Variants in KCNH1 observed in about 807,000 individuals in gnomAD.
The protein encoded by KCNH1 is voltage-gated delayed rectifier potassium channel KCNH1.
KCNH1 carries 27 observed loss-of-function variants against 69.2 expected under a neutral mutation model. The ratio of observed to expected loss-of-function variants is 0.39; its 90% confidence interval spans 0.29 to 0.54. KCNH1 has a LOEUF of 0.54. Ranked by LOEUF, KCNH1 falls within the 20% of genes least tolerant of loss-of-function variation. The probability of loss-of-function intolerance (pLI) is 0.68; values close to 1 mark genes in which losing one functional copy is unlikely to be tolerated. For missense variants in KCNH1, 798 were observed against 1,261.6 expected (o/e 0.63, Z 5.57); for synonymous variants, 456 against 487.7 (o/e 0.93, Z 0.86).
intron 10 of KCNH1, among the ~76,000 whole-genome samples, chr1:210,705,184 C>T (rs559428398): frequency 1.1e-4 from 17 of 152,268 alleles, no homozygotes; most frequent in African/African-American, 3.1e-4. Flanking sequence ...GGAAAAGAGC[C>T]GAGGGCACCC....
intron 6 of KCNH1, among the ~76,000 whole-genome samples, chr1:210,947,741 T>A (rs1687986952): frequency 6.6e-6 from 1 of 152,162 alleles, no homozygotes; most frequent in Admixed American, 6.5e-5. Flanking sequence ...TAAATTAGCT[T>A]GGGCAAAAAT....
intron 5 of KCNH1, among the ~76,000 whole-genome samples, chr1:211,062,658 T>C (rs751078812): frequency 2.6e-5 from 4 of 152,112 alleles, no homozygotes; most frequent in African/African-American, 4.8e-5. Flanking sequence ...AAGATCTAAA[T>C]AGATATTTCT....
At chr1:210,859,162 G>A in intron 7 of KCNH1, 1 of 1,480,794 alleles carries the variant, frequency 6.8e-7, no homozygotes, top group Non-Finnish European at 9.4e-7. Flanking sequence ...CAGTAGGAAA[G>A]AAAGAGATAA....
At chr1:211,034,558 A>C (rs1689859336) in intron 5 of KCNH1, among the ~76,000 whole-genome samples, 1 of 152,166 alleles carries the variant, frequency 6.6e-6, no homozygotes, top group Admixed American at 6.5e-5. Context: ...TTTTGCAGGC[A>C]ATTACCATCA....
chr1:210,695,333 C>T (rs1311598872), intron 10 of KCNH1, among the ~76,000 whole-genome samples: 2 of 152,218 alleles, frequency 1.3e-5, no homozygotes, highest in Non-Finnish European at 2.9e-5. Context: ...TCCCAGTTTA[C>T]AGATGTGATG....
chr1:211,003,603 T>C (rs1443452524), intron 6 of KCNH1, among the ~76,000 whole-genome samples: 1 of 152,084 alleles, frequency 6.6e-6, no homozygotes, highest in African/African-American at 2.4e-5. Flanking sequence ...ATGGTGGCCA[T>C]ATCTAGGTAT....
intron 7 of KCNH1, among the ~76,000 whole-genome samples, chr1:210,834,344 A>G (rs1196203557): frequency 3.8e-5 from 2 of 52,030 alleles, no homozygotes; most frequent in African/African-American, 1.7e-4. Context: ...ACCATGGAAT[A>G]CTATGCAGCC....
At chr1:210,897,525 C>T (rs941040270) in intron 7 of KCNH1, among the ~76,000 whole-genome samples, 1 of 152,120 alleles carries the variant, frequency 6.6e-6, no homozygotes, top group African/African-American at 2.4e-5. Flanking sequence ...GACACCCCTG[C>T]CCTCTGTTCC....
intron 10 of KCNH1, among the ~76,000 whole-genome samples, chr1:210,694,793 G>A (rs1681602633): frequency 6.6e-6 from 1 of 152,174 alleles, no homozygotes; most frequent in Admixed American, 6.5e-5. Flanking sequence ...CATTACACAA[G>A]GAAACAGCTC....
At chr1:210,702,284 G>A (rs1681799513) in intron 10 of KCNH1, among the ~76,000 whole-genome samples, 1 of 152,116 alleles carries the variant, frequency 6.6e-6, no homozygotes, top group African/African-American at 2.4e-5. Context: ...TCTGAAAAGT[G>A]TTCTTATATT....
At chr1:210,821,382 T>A (rs1258278686) in intron 7 of KCNH1, among the ~76,000 whole-genome samples, 1 of 152,218 alleles carries the variant, frequency 6.6e-6, no homozygotes, top group East Asian at 1.9e-4. Flanking sequence ...AATCCACTCA[T>A]GTAGACCATT....
At chr1:211,045,947 G>C (rs1690088824) in intron 5 of KCNH1, among the ~76,000 whole-genome samples, 1 of 152,094 alleles carries the variant, frequency 6.6e-6, no homozygotes, top group Non-Finnish European at 1.5e-5. Context: ...TTGTCCTTCT[G>C]CGTCTGGCTT....
At chr1:210,816,782 AT>A in intron 7 of KCNH1, among the ~76,000 whole-genome samples, 1 of 152,306 alleles carries the variant, frequency 6.6e-6, no homozygotes, top group South Asian at 2.1e-4. Context: ...AACTAGGCCC[AT>A]TTTCCAATAG....
Position 210,846,328 on chromosome 1 carries a change from T to C in KCNH1, c.1463-42162A>G, listed in dbSNP as rs549685044. 8.9e-4 allele frequency among the ~76,000 whole-genome samples: 135 copies of C among 152,266 alleles called. 1 individual carries two copies. The highest frequency in any genetic ancestry group is 1.4e-3 in the Non-Finnish European group (98 of 68,026). On this transcript the variant is annotated intron_variant, in intron 7 of 10. Transcript: ENST00000271751. ...GGCATCACGCTGCCTGACTTCAAAC[T>C]ATACTACAAGGCTACAGTAATCAAA...
chr1:210,834,650 A>G lies in KCNH1; in HGVS notation c.1463-30484T>C, dbSNP rs575108814. ...GTATACATATGTAACTAACCTGCACATTGTGCACATGTACCCTAAAACTTA... is the reference window on the plus strand; with the variant it reads ...GTATACATATGTAACTAACCTGCACGTTGTGCACATGTACCCTAAAACTTA... On this transcript the variant is annotated intron_variant, in intron 7 of 10. Transcript: ENST00000271751. 3.0e-3 allele frequency among the ~76,000 whole-genome samples: 445 copies of G among 149,560 alleles called. 6 individuals carry two copies. The highest frequency in any genetic ancestry group is 0.011 in the African/African-American group (428 of 40,272).
intron 7 of KCNH1, among the ~76,000 whole-genome samples, chr1:210,830,786 A>G (rs1212456836): frequency 6.6e-6 from 1 of 152,094 alleles, no homozygotes; most frequent in Non-Finnish European, 1.5e-5. Flanking sequence ...GAGGGACACA[A>G]TCCTAACGCA....
chr1:210,964,861 T>C (rs1688369224), intron 6 of KCNH1, among the ~76,000 whole-genome samples: 1 of 152,164 alleles, frequency 6.6e-6, no homozygotes, highest in Non-Finnish European at 1.5e-5. Context: ...AATAAAATAC[T>C]GGCAAACCGA....
Position 211,125,544 on chromosome 1 carries a change from C to T in KCNH1, c.79+8323G>A, listed in dbSNP as rs189600498. Among the ~76,000 whole-genome samples, 191 of 152,342 alleles carry T rather than the reference C, an allele frequency of 1.3e-3. 1 individual carries two copies. The highest frequency in any genetic ancestry group is 4.0e-3 in the African/African-American group (167 of 41,576). ...GGCCCTGAAGTTCTAGCCTAAAACACATTTTCCAACTTCACTCTTAATACA... is the reference window on the plus strand; with the variant it reads ...GGCCCTGAAGTTCTAGCCTAAAACATATTTTCCAACTTCACTCTTAATACA... On this transcript the variant is annotated intron_variant, in intron 1 of 10. Coordinates refer to ENST00000271751, the MANE Select transcript of KCNH1 (RefSeq NM_172362.3).
intron 7 of KCNH1, among the ~76,000 whole-genome samples, chr1:210,917,645 C>T (rs1687376118): frequency 6.6e-6 from 1 of 152,134 alleles, no homozygotes; most frequent in African/African-American, 2.4e-5. Flanking sequence ...TCACTCTTAG[C>T]AAATTTTCTG....
Sources: gnomAD v4.1 joint callset for allele counts (sites outside exome capture counted in the v4.1 genomes callset) on GRCh38, gnomAD v4.1.1 for gene constraint, MANE v1.5 for transcripts, NCBI Gene and HGNC (gene_info 2026-07-23, HGNC 2026-07-21) for gene names.